The following METTL15 variants were observed in gnomAD, a reference collection of about 807,000 sequenced individuals.
The protein encoded by METTL15 is 12S rRNA N(4)-cytidine methyltransferase METTL15.
In METTL15, 34 loss-of-function variants were observed where a neutral mutation model predicts 38.3. The ratio of observed to expected loss-of-function variants is 0.89; its 90% confidence interval spans 0.68 to 1.18. The LOEUF is 1.18. METTL15 is among the 50% of genes most tolerant of loss of function. The probability of loss-of-function intolerance (pLI) is 0.00; values close to 1 mark genes in which losing one functional copy is unlikely to be tolerated. For missense variants in METTL15, 438 were observed against 498.4 expected (o/e 0.88, Z 1.15); for synonymous variants, 162 against 170.9 (o/e 0.95, Z 0.41).
At chr11:28,149,307 T>C (rs1849996870) in intron 3 of METTL15, among the ~76,000 whole-genome samples, 1 of 151,714 alleles carries the variant, frequency 6.6e-6, no homozygotes, top group African/African-American at 2.4e-5. Context: ...ACAGAGATGA[T>C]AATATAATGA....
At chr11:28,484,077 A>C (rs1032287760) in intron 6 of METTL15, among the ~76,000 whole-genome samples, 3 of 152,140 alleles carry the variant, frequency 2.0e-5, no homozygotes, top group Non-Finnish European at 2.9e-5. Flanking sequence ...ATATAGAACA[A>C]AGCAAAAATC....
intron 3 of METTL15, among the ~76,000 whole-genome samples, chr11:28,208,633 G>A (rs1464372379): frequency 2.0e-5 from 3 of 152,134 alleles, no homozygotes; most frequent in African/African-American, 7.2e-5. Flanking sequence ...GGTCCGCTTT[G>A]TGCAGAGCTG....
At chr11:28,386,845 A>T (rs1850446557) in intron 5 of METTL15, among the ~76,000 whole-genome samples, 1 of 152,016 alleles carries the variant, frequency 6.6e-6, no homozygotes, top group African/African-American at 2.4e-5. Context: ...ACAAGATTGA[A>T]CTCATGCCAA....
chr11:28,182,717 T>G (rs530991260), intron 3 of METTL15, among the ~76,000 whole-genome samples: 3 of 152,228 alleles, frequency 2.0e-5, no homozygotes, highest in Admixed American at 2.0e-4. Flanking sequence ...TCTTTTTGCT[T>G]AGGATTGTCT....
chr11:28,174,887 C>T (rs1851001801), intron 3 of METTL15, among the ~76,000 whole-genome samples: 1 of 149,424 alleles, frequency 6.7e-6, no homozygotes, highest in Non-Finnish European at 1.5e-5. Flanking sequence ...ATACATCTTT[C>T]TATGTATTGA....
rs182993270 is a variant in METTL15, at chr11:28,241,212, A to G, written c.407+30014A>G. Among the ~76,000 whole-genome samples the G allele has an allele frequency of 5.3e-5, 8 of 152,274 alleles. No homozygotes were observed. The East Asian group carries it at 1.4e-3, about 26-fold the overall frequency. On this transcript the variant is annotated intron_variant, in intron 4 of 6. Coordinates refer to ENST00000407364, the MANE Select transcript of METTL15 (RefSeq NM_001113528.2). ...AAGCAGAATAGGTAAGTTTTCTAGTATGTTAACAAAGTGATACTTATGATG... is the reference window on the plus strand; with the variant it reads ...AAGCAGAATAGGTAAGTTTTCTAGTGTGTTAACAAAGTGATACTTATGATG...
chr11:28,210,250 T>G (rs1408006379), intron 3 of METTL15, among the ~76,000 whole-genome samples: 1 of 152,014 alleles, frequency 6.6e-6, no homozygotes, highest in Non-Finnish European at 1.5e-5. Flanking sequence ...TATCATGTTG[T>G]CCTGGCAAAA....
intron 5 of METTL15, among the ~76,000 whole-genome samples, chr11:28,411,951 C>T (rs1435215465): frequency 1.3e-5 from 2 of 151,984 alleles, no homozygotes; most frequent in Non-Finnish European, 2.9e-5. Context: ...AGACATTTCC[C>T]TAAAGAAGAT....
Position 28,513,204 on chromosome 11 carries a change from A to G in METTL15, c.*425-13274A>G, listed in dbSNP as rs1035829103. ...GCAGAACAGAGCCCACTGTTCAGAT[A>G]GGACTTGCATATGACTGGGACGTCT... On this transcript the variant is annotated intron_variant and NMD_transcript_variant, in intron 6 of 7. Transcript: ENST00000532947. Among the ~76,000 whole-genome samples, 4 of 152,228 alleles carry G rather than the reference A, an allele frequency of 2.6e-5. No homozygotes were observed. The East Asian group carries it at 7.7e-4, about 29-fold the overall frequency.
intron 3 of METTL15, chr11:28,197,309 T>A (rs1389170306): frequency 5.2e-6 from 1 of 193,842 alleles, no homozygotes; most frequent in African/African-American, 2.3e-5. Context: ...CCATAAAATA[T>A]CTTTTGTATT....
chr11:28,466,686 C>A (rs1302676981), intron 6 of METTL15, among the ~76,000 whole-genome samples: 1 of 152,190 alleles, frequency 6.6e-6, no homozygotes, highest in Non-Finnish European at 1.5e-5. Context: ...ATATTTACAG[C>A]AACTCCACAG....
chr11:28,409,470 A>G (rs1008206851), intron 5 of METTL15, among the ~76,000 whole-genome samples: 21 of 151,970 alleles, frequency 1.4e-4, no homozygotes, highest in African/African-American at 4.6e-4. Flanking sequence ...AATTAATAAC[A>G]GGAGAAATAT....
chr11:28,123,533 C>CAA (rs1852341157), intron 3 of METTL15, among the ~76,000 whole-genome samples: 1 of 151,466 alleles, frequency 6.6e-6, no homozygotes, highest in Non-Finnish European at 1.5e-5. Flanking sequence ...CCTTTGTGGT[C>CAA]AGTTGCTAGT....
At chr11:28,314,433 A>C (rs545284523) in intron 6 of METTL15, among the ~76,000 whole-genome samples, 1 of 152,212 alleles carries the variant, frequency 6.6e-6, no homozygotes, top group African/African-American at 2.4e-5. Flanking sequence ...TGGGAAGTGC[A>C]TATGGCCCAA....
intron 3 of METTL15, among the ~76,000 whole-genome samples, chr11:28,180,095 T>C (rs1851228289): frequency 6.6e-6 from 1 of 151,900 alleles, no homozygotes; most frequent in Non-Finnish European, 1.5e-5. Context: ...GCTATAATCC[T>C]ACTCAGTTGT....
intron 6 of METTL15, among the ~76,000 whole-genome samples, chr11:28,496,364 C>T (rs1851535774): frequency 1.3e-5 from 2 of 152,226 alleles, no homozygotes; most frequent in Non-Finnish European, 2.9e-5. Context: ...TCAATTACCT[C>T]CATGTGGCCC....
intron 5 of METTL15, chr11:28,410,662 A>G (rs905819498): frequency 1.4e-4 from 22 of 152,142 alleles, no homozygotes; most frequent in Non-Finnish European, 2.4e-4. Flanking sequence ...AACAGTTAAC[A>G]TGATAATCAA....
chr11:28,260,374 C>T (rs1855153059), intron 4 of METTL15, among the ~76,000 whole-genome samples: 1 of 152,174 alleles, frequency 6.6e-6, no homozygotes. Context: ...TATCACTCTC[C>T]TCCATTTACC....
At chr11:28,115,185 A>G (rs1029765144) in intron 3 of METTL15, among the ~76,000 whole-genome samples, 2 of 152,208 alleles carry the variant, frequency 1.3e-5, no homozygotes, top group Non-Finnish European at 2.9e-5. Context: ...CCAAAAAATT[A>G]CTAATAACCT....
Sources: gnomAD v4.1 joint callset for allele counts (sites outside exome capture counted in the v4.1 genomes callset) on GRCh38, gnomAD v4.1.1 for gene constraint, MANE v1.5 for transcripts, NCBI Gene and HGNC (gene_info 2026-07-23, HGNC 2026-07-21) for gene names.